Variants in CD36 observed in about 807,000 individuals in gnomAD.
The protein encoded by CD36 is platelet glycoprotein 4.
A neutral mutation model predicts 55.2 loss-of-function variants in CD36; 119 were observed. The observed-to-expected ratio is 2.15, with a 90% confidence interval of 1.86 to 2.51. The LOEUF is 2.51. Ranked by LOEUF, CD36 falls within the 30% of genes most tolerant of loss-of-function variation. The pLI, the probability that CD36 is intolerant of heterozygous loss-of-function variation, is 0.00. For missense variants in CD36, 819 were observed against 555.5 expected (o/e 1.47, Z -4.77); for synonymous variants, 186 against 193.6 (o/e 0.96, Z 0.33).
intron 9 of CD36, 200 bp from the exon 10 acceptor site, chr7:80,670,777 T>C: frequency 1.7e-6 from 1 of 572,408 alleles, no homozygotes; most frequent in South Asian, 2.2e-5. Context: ...AACATGGTAC[T>C]TCACAAACAA....
Position 80,672,797 on chromosome 7 carries a change from AAACGGCTGCAG to A in CD36, c.1154_1164del (p.Lys385SerfsTer29), listed in dbSNP as rs1562825377. ...AACTGGATTCACTTTACAATTTGCA[AAACGGCTGCAG>A]GTCAACCTATTGGTCAAGCCATCAG... On this transcript the variant is annotated frameshift_variant, in exon 12 of 15. Transcript: ENST00000447544. LOFTEE classifies it high-confidence loss of function. The A allele has an allele frequency of 8.7e-6, 14 of 1,610,812 alleles. 1 individual carries two copies. In the Middle Eastern group the frequency reaches 1.4e-3, roughly 157 times the overall value.
intron 7 of CD36, 29 bp from the exon 8 acceptor site, chr7:80,666,414 G>GTT: frequency 6.8e-7 from 1 of 1,471,442 alleles, no homozygotes; most frequent in Non-Finnish European, 9.5e-7. Context: ...AAATAAGAAT[G>GTT]TTTATTCATT....
At chr7:80,645,215 T>A (rs1473641944) in intron 1 of CD36, among the ~76,000 whole-genome samples, 3 of 151,542 alleles carry the variant, frequency 2.0e-5, no homozygotes, top group African/African-American at 7.3e-5. Context: ...AGATGGGGTT[T>A]CTCTGTGTTG....
At chr7:80,631,836 A>G (rs1406477199) in intron 1 of CD36, among the ~76,000 whole-genome samples, 1 of 151,356 alleles carries the variant, frequency 6.6e-6, no homozygotes. Flanking sequence ...CATAAATGAT[A>G]TAAATAATGT....
intron 1 of CD36, among the ~76,000 whole-genome samples, chr7:80,627,177 C>T (rs1339594593): frequency 6.6e-6 from 1 of 151,998 alleles, no homozygotes; most frequent in African/African-American, 2.4e-5. Flanking sequence ...CAGGACAATG[C>T]TACATTTGAT....
chr7:80,619,156 A>G (rs908826809), intron 1 of CD36, among the ~76,000 whole-genome samples: 31 of 152,174 alleles, frequency 2.0e-4, no homozygotes, highest in Admixed American at 1.8e-3. Flanking sequence ...TGGAACAACA[A>G]AGCCTGGATG....
At chr7:80,657,174 A>G (rs963131901) in intron 4 of CD36, among the ~76,000 whole-genome samples, 1 of 152,156 alleles carries the variant, frequency 6.6e-6, no homozygotes, top group African/African-American at 2.4e-5. Flanking sequence ...CAGCATTAAC[A>G]GGGAATTGGG....
intron 1 of CD36, among the ~76,000 whole-genome samples, chr7:80,612,285 G>GA (rs1266547344): frequency 1.3e-5 from 2 of 152,152 alleles, no homozygotes; most frequent in Non-Finnish European, 2.9e-5. Context: ...CTAGCAACCT[G>GA]AAAAATCACA....
intron 1 of CD36, among the ~76,000 whole-genome samples, chr7:80,613,780 T>C (rs1267968149): frequency 6.6e-6 from 1 of 152,142 alleles, no homozygotes; most frequent in African/African-American, 2.4e-5. Flanking sequence ...AGGATCCTGA[T>C]AACTGAGTTG....
intron 1 of CD36, among the ~76,000 whole-genome samples, chr7:80,608,183 T>A (rs1358866634): frequency 1.3e-5 from 2 of 152,218 alleles, no homozygotes; most frequent in African/African-American, 2.4e-5. Context: ...TATATATGCA[T>A]ATAACATATC....
At chr7:80,665,016 C>T (rs992701646) in intron 7 of CD36, among the ~76,000 whole-genome samples, 2 of 151,988 alleles carry the variant, frequency 1.3e-5, no homozygotes, top group Non-Finnish European at 1.5e-5. Context: ...CATGACCTTC[C>T]CCCTGCAAAT....
At chr7:80,669,523 G>A (rs887073289) in intron 8 of CD36, among the ~76,000 whole-genome samples, 3 of 152,004 alleles carry the variant, frequency 2.0e-5, no homozygotes, top group Non-Finnish European at 4.4e-5. Context: ...CGCCTCCTGG[G>A]TGCAAGCAAT....
At chr7:80,658,042 A>G (rs3211871) in intron 4 of CD36, among the ~76,000 whole-genome samples, 42,009 of 152,148 alleles carry the variant, frequency 0.28, 6,825 homozygotes, top group South Asian at 0.44. Flanking sequence ...CACATGACAT[A>G]TAAGCCCCAG....
intron 4 of CD36, 36 bp downstream of exon 4, chr7:80,656,736 C>T (rs769478024): frequency 6.3e-7 from 1 of 1,581,576 alleles, no homozygotes; most frequent in South Asian, 1.1e-5. Flanking sequence ...ACACTCTTAC[C>T]TTGACCATGT....
At chr7:80,644,889 C>T (rs935499458) in intron 1 of CD36, among the ~76,000 whole-genome samples, 20 of 152,152 alleles carry the variant, frequency 1.3e-4, no homozygotes, top group Non-Finnish European at 2.1e-4. Flanking sequence ...GACACGCCAA[C>T]CCCATTATTG....
intron 1 of CD36, among the ~76,000 whole-genome samples, chr7:80,640,915 C>T (rs1335854479): frequency 1.3e-5 from 2 of 151,928 alleles, no homozygotes; most frequent in African/African-American, 4.8e-5. Flanking sequence ...AAGTTTTTTC[C>T]TATTTTACAT....
At chr7:80,610,630 G>A (rs185689152) in intron 1 of CD36, among the ~76,000 whole-genome samples, 16 of 151,834 alleles carry the variant, frequency 1.1e-4, no homozygotes, top group South Asian at 1.0e-3. Flanking sequence ...GCTGCAGGGC[G>A]GTGGCGTGAT....
chr7:80,672,039 C>CTGTAAG lies in CD36; in HGVS notation c.1125_1125+5dup, dbSNP rs1562823832. The CTGTAAG allele has an allele frequency of 1.2e-6, 2 of 1,604,062 alleles. No homozygotes were observed. Among genetic ancestry groups the CTGTAAG allele is most frequent in the South Asian group, 1.1e-5 (1 of 90,738 alleles). ...CATAGGACATACTTGGATATTGAAC[C>CTGTAAG]TGTAAGAAAACACCTTATTGATCTG... On this transcript the variant is annotated inframe_insertion and splice_region_variant, in exon 11 of 15. Transcript: ENST00000447544.
chr7:80,665,178 A>C (rs1347302777), intron 7 of CD36, among the ~76,000 whole-genome samples: 11 of 151,436 alleles, frequency 7.3e-5, no homozygotes, highest in Admixed American at 7.2e-4. Flanking sequence ...ATAACAAATC[A>C]GCTTCCTAAG....
Sources: gnomAD v4.1 joint callset for allele counts (sites outside exome capture counted in the v4.1 genomes callset) on GRCh38, gnomAD v4.1.1 for gene constraint, MANE v1.5 for transcripts, NCBI Gene and HGNC (gene_info 2026-07-23, HGNC 2026-07-21) for gene names.